DNMT1: variants seen among roughly 807,000 people sequenced by gnomAD.
The protein encoded by DNMT1 is DNA (cytosine-5)-methyltransferase 1.
Under a neutral mutation model 205.3 loss-of-function variants are expected in DNMT1, and 24 were observed. The observed-to-expected ratio is 0.12, with a 90% CI of 0.08 to 0.16. The LOEUF (loss-of-function observed/expected upper bound fraction) is 0.16. Ranked by LOEUF, DNMT1 falls within the 10% of genes least tolerant of loss-of-function variation. DNMT1 has a pLI of 1.00. For missense variants in DNMT1, 1,293 were observed against 2,177.7 expected (o/e 0.59, Z 8.09); for synonymous variants, 817 against 839.8 (o/e 0.97, Z 0.47).
At chr19:10,186,466 G>A (rs868601078) in intron 1 of DNMT1, among the ~76,000 whole-genome samples, 6 of 152,078 alleles carry the variant, frequency 3.9e-5, no homozygotes, top group South Asian at 2.1e-4. Context: ...TGCCGGCTTA[G>A]TGCCCAGCCT....
At chr19:10,190,108 T>C (rs975888079) in intron 1 of DNMT1, among the ~76,000 whole-genome samples, 3 of 152,122 alleles carry the variant, frequency 2.0e-5, no homozygotes, top group African/African-American at 7.2e-5. Context: ...CCTTATTCAG[T>C]ATGTACTCAG....
In DNMT1 at chr19:10,194,047, A is replaced by G. The variant is rs74433001; in HGVS notation, c.80+773T>C. On this transcript the variant is annotated intron_variant, in intron 1 of 40. Coordinates refer to ENST00000359526, the MANE Select transcript of DNMT1 (RefSeq NM_001130823.3). ...CCATGAACACACACAAACACACACG[A>G]AAGTGTAGCCAGTTCTCATTAGCAA... 2.6e-5 allele frequency among the ~76,000 whole-genome samples: 4 copies of G among 152,286 alleles called. No individual in the cohort carries two copies. The East Asian group carries it at 7.7e-4, about 29-fold the overall frequency.
chr19:10,139,555 C>A, intron 34 of DNMT1, 121 bp downstream of exon 34: 1 of 1,497,238 alleles, frequency 6.7e-7, no homozygotes, highest in Non-Finnish European at 9.0e-7. Context: ...ACCATGCCAG[C>A]CTCTGCTGCC....
At chr19:10,160,280 C>G in intron 14 of DNMT1, 104 bp downstream of exon 14, 1 of 1,571,762 alleles carries the variant, frequency 6.4e-7, no homozygotes, top group Middle Eastern at 1.7e-4. Context: ...CCAAAATGAG[C>G]CTAAGGTTGC....
intron 1 of DNMT1, among the ~76,000 whole-genome samples, chr19:10,191,149 T>A (rs1599412151): frequency 6.6e-6 from 1 of 150,490 alleles, no homozygotes; most frequent in Admixed American, 6.6e-5. Context: ...GGCGTGGTGG[T>A]GCACACCTGT....
intron 27 of DNMT1, among the ~76,000 whole-genome samples, chr19:10,148,253 T>C (rs1176966002): frequency 6.6e-6 from 1 of 151,106 alleles, no homozygotes; most frequent in East Asian, 1.9e-4. Flanking sequence ...TCCCAGCACT[T>C]TGGGAGGCCA....
intron 3 of DNMT1, 34 bp downstream of exon 3, chr19:10,180,744 T>C (rs1385586976): frequency 6.2e-7 from 1 of 1,606,510 alleles, no homozygotes; most frequent in South Asian, 1.1e-5. Flanking sequence ...AGGAGACATT[T>C]TTCTAGAGGC....
In DNMT1 at chr19:10,138,307, C is replaced by A. The variant is rs982660129; in HGVS notation, c.4115+132G>T. ...CCACAGGTGGCAGAGTGCCATGTGG[C>A]AGAGCACCGTGTGGCAGGGCAGATG... On this transcript the variant is annotated intron_variant, in intron 35 of 40. Transcript: ENST00000359526. This position sits in a 1 kb window ranked among gnomAD's most constrained non-coding sequence, Gnocchi z 4.1. 3 of 1,410,024 alleles carry A rather than the reference C, an allele frequency of 2.1e-6. No homozygotes were observed. The highest frequency in any genetic ancestry group is 9.8e-7 in the Non-Finnish European group (1 of 1,022,726). The allele number at this position is 1,410,024 out of a possible 1,614,324, so 87.3% of individuals were successfully genotyped here.
At chr19:10,148,439 T>A (rs1443490454) in intron 27 of DNMT1, among the ~76,000 whole-genome samples, 3 of 136,146 alleles carry the variant, frequency 2.2e-5, no homozygotes, top group Admixed American at 8.4e-5. Context: ...GAGTTTGCAG[T>A]AAGCCAAGAT....
At chr19:10,162,332 C>A (rs551600313) in intron 13 of DNMT1, among the ~76,000 whole-genome samples, 7 of 151,042 alleles carry the variant, frequency 4.6e-5, no homozygotes, top group Non-Finnish European at 7.4e-5. Flanking sequence ...GCCTGGAGTG[C>A]GATCTCGGCT....
chr19:10,141,442 G>C, intron 30 of DNMT1: 1 of 499,848 alleles, frequency 2.0e-6, no homozygotes, highest in East Asian at 3.7e-5. Flanking sequence ...TTCTAGAACA[G>C]GAAAAAGTGC....
intron 6 of DNMT1, among the ~76,000 whole-genome samples, chr19:10,176,962 T>C (rs1415059743): frequency 2.6e-5 from 4 of 152,148 alleles, no homozygotes; most frequent in African/African-American, 9.7e-5. Flanking sequence ...AAACTATATA[T>C]GGACAAAGTA....
intron 7 of DNMT1, among the ~76,000 whole-genome samples, chr19:10,174,966 A>G (rs932376397): frequency 6.6e-6 from 1 of 151,712 alleles, no homozygotes; most frequent in African/African-American, 2.4e-5. Flanking sequence ...GAAGCAGGAG[A>G]ATCACTTGAA....
chr19:10,134,969 T>C (rs928632681), intron 39 of DNMT1, among the ~76,000 whole-genome samples: 1 of 151,518 alleles, frequency 6.6e-6, no homozygotes, highest in African/African-American at 2.4e-5. Flanking sequence ...CCCAGCACTT[T>C]GGGAGGCCGA....
Position 10,155,118 on chromosome 19 carries a change from C to G in DNMT1, c.1493-62G>C, listed in dbSNP as rs1056797302. ...AATCTGATGGCGCCTACAGTGGCCA[C>G]AGGGCATGGAGGAGTCTACCAAACT... is the stretch of plus-strand genomic sequence containing the variant. On this transcript the variant is annotated intron_variant, in intron 19 of 40. Transcript: ENST00000359526. 20 of 1,607,034 alleles carry G rather than the reference C, an allele frequency of 1.2e-5. No homozygotes were observed. In the South Asian group the frequency reaches 2.1e-4, roughly 17 times the overall value.
intron 1 of DNMT1, chr19:10,194,538 G>A (rs548034336): frequency 2.8e-6 from 1 of 351,458 alleles, no homozygotes; most frequent in East Asian, 4.9e-5. Flanking sequence ...CGAACCCAAA[G>A]CTTGCTGTAT....
At chr19:10,182,475 ATACATATATATGTGTATATATATG>A (rs2039080551) in intron 1 of DNMT1, among the ~76,000 whole-genome samples, 2 of 126,358 alleles carry the variant, frequency 1.6e-5, no homozygotes, top group Non-Finnish European at 3.4e-5. Flanking sequence ...GTGTATATAT[ATACATATATATGTGTATATATATG>A]TGTGTATATA....
intron 7 of DNMT1, 137 bp from the exon 8 acceptor site, chr19:10,174,042 T>C (rs1042836321): frequency 1.6e-5 from 14 of 864,664 alleles, no homozygotes; most frequent in Non-Finnish European, 1.7e-5. Flanking sequence ...GCCTGGGTTT[T>C]GGGGAGAAGA....
intron 5 of DNMT1, among the ~76,000 whole-genome samples, chr19:10,177,900 A>G (rs2038964998): frequency 6.7e-6 from 1 of 149,930 alleles, no homozygotes; most frequent in African/African-American, 2.5e-5. Context: ...GCCACTGTAC[A>G]CAGCCTTGGC....
Sources: gnomAD v4.1 joint callset for allele counts (sites outside exome capture counted in the v4.1 genomes callset) on GRCh38, gnomAD v4.1.1 for gene constraint, Gnocchi (gnomAD v3.1) non-coding constraint, MANE v1.5 for transcripts, NCBI Gene and HGNC (gene_info 2026-07-23, HGNC 2026-07-21) for gene names.